Variants in SGCZ observed in about 807,000 individuals in gnomAD.
SGCZ encodes sarcoglycan zeta.
In SGCZ, 40 loss-of-function variants were observed where a neutral mutation model predicts 41.3. The ratio of observed to expected loss-of-function variants is 0.97; its 90% CI spans 0.75 to 1.26. SGCZ has a LOEUF of 1.26. SGCZ is among the 50% of genes most tolerant of loss of function. The pLI, the probability that SGCZ is intolerant of heterozygous loss-of-function variation, is 0.00. For synonymous variants in SGCZ, 206 were observed against 137.5 expected (o/e 1.50, Z -3.49); for missense variants, 552 against 369.8 (o/e 1.49, Z -4.04).
At chr8:14,129,542 C>T (rs1802971137) in intron 5 of SGCZ, among the ~76,000 whole-genome samples, 1 of 151,238 alleles carries the variant, frequency 6.6e-6, no homozygotes, top group Admixed American at 6.6e-5. Flanking sequence ...ACAACCTACC[C>T]AAAATTTTGC....
At chr8:14,794,364 TGCA>T (rs1464720033) in intron 1 of SGCZ, among the ~76,000 whole-genome samples, 1 of 152,058 alleles carries the variant, frequency 6.6e-6, no homozygotes, top group Non-Finnish European at 1.5e-5. Context: ...GAAAATATAC[TGCA>T]GGATTATATA....
chr8:14,224,564 G>C (rs1417397878), intron 4 of SGCZ, among the ~76,000 whole-genome samples: 1 of 152,026 alleles, frequency 6.6e-6, no homozygotes. Flanking sequence ...CTATGTGAAA[G>C]CTCAATTATG....
chr8:14,864,180 C>T (rs933937228), intron 1 of SGCZ, among the ~76,000 whole-genome samples: 12 of 152,146 alleles, frequency 7.9e-5, no homozygotes, highest in Non-Finnish European at 1.8e-4. Flanking sequence ...ATGTATTCTA[C>T]GTATTCTACT....
intron 4 of SGCZ, among the ~76,000 whole-genome samples, chr8:14,232,315 G>C (rs1008814646): frequency 6.6e-6 from 1 of 151,930 alleles, no homozygotes; most frequent in Admixed American, 6.6e-5. Context: ...TCAGATCTCT[G>C]AAGAAACCAG....
intron 2 of SGCZ, among the ~76,000 whole-genome samples, chr8:14,386,112 A>C (rs894115676): frequency 2.0e-5 from 3 of 152,130 alleles, no homozygotes; most frequent in Admixed American, 2.0e-4. Flanking sequence ...GGTTGAATAT[A>C]TAAATGCAGA....
In SGCZ at chr8:14,090,397, G is replaced by T. The variant is rs201217147; in HGVS notation, c.*46C>A. On this transcript the variant is annotated 3_prime_UTR_variant, in exon 8 of 8. Coordinates refer to ENST00000382080, the MANE Select transcript of SGCZ (RefSeq NM_139167.4). ...AACCGAGCAGAACTGTGAAGCAGACGGACAGGAACAAAAGGCTATTCTGGT... is the reference window on the plus strand; with the variant it reads ...AACCGAGCAGAACTGTGAAGCAGACTGACAGGAACAAAAGGCTATTCTGGT... 6 of 1,575,660 alleles carry T rather than the reference G, an allele frequency of 3.8e-6. No individual in the cohort carries two copies. Among genetic ancestry groups the T allele is most frequent in the Non-Finnish European group, 5.2e-6 (6 of 1,158,972 alleles).
intron 2 of SGCZ, among the ~76,000 whole-genome samples, chr8:14,346,192 G>C (rs1802886687): frequency 6.6e-6 from 1 of 151,956 alleles, no homozygotes; most frequent in African/African-American, 2.4e-5. Context: ...GAGAAACTGG[G>C]GTTGTGGAGT....
chr8:14,131,061 C>A (rs1233213551), intron 5 of SGCZ, among the ~76,000 whole-genome samples: 3 of 152,146 alleles, frequency 2.0e-5, no homozygotes, highest in Non-Finnish European at 2.9e-5. Context: ...CTGTTTGGAA[C>A]GCTGTCCCTC....
At chr8:14,895,932 G>GA (rs1805180047) in intron 1 of SGCZ, among the ~76,000 whole-genome samples, 1 of 152,194 alleles carries the variant, frequency 6.6e-6, no homozygotes, top group Admixed American at 6.5e-5. Context: ...ATAGGGTTGA[G>GA]ACTCACTTTA....
chr8:14,353,056 G>C (rs17119153), intron 2 of SGCZ, among the ~76,000 whole-genome samples: 4,145 of 151,992 alleles, frequency 0.027, 158 homozygotes, highest in African/African-American at 0.093. Flanking sequence ...AATTAGAAGA[G>C]AATTATGTTG....
intron 1 of SGCZ, among the ~76,000 whole-genome samples, chr8:14,814,926 T>C (rs1801855975): frequency 2.0e-5 from 3 of 152,194 alleles, no homozygotes; most frequent in African/African-American, 4.8e-5. Context: ...TAATTAATGT[T>C]TGCTGTTTCT....
At chr8:14,735,048 A>G (rs1798984851) in intron 1 of SGCZ, among the ~76,000 whole-genome samples, 1 of 152,192 alleles carries the variant, frequency 6.6e-6, no homozygotes, top group African/African-American at 2.4e-5. Flanking sequence ...TATGAAGCAT[A>G]GAATACACAA....
Position 14,618,195 on chromosome 8 carries a change from A to G in SGCZ, c.40-63269T>C, listed in dbSNP as rs551080960. On this transcript the variant is annotated intron_variant, in intron 1 of 7. Coordinates refer to ENST00000382080, the MANE Select transcript of SGCZ (RefSeq NM_139167.4). The stretch of plus-strand genomic sequence containing the variant: ...TCTACTTTGGTGAAGCTTATATTTT[A>G]TAACGAAAGACATAACAACCATAAT... 7.7e-4 allele frequency among the ~76,000 whole-genome samples: 117 copies of G among 152,292 alleles called. 1 individual carries two copies. The Middle Eastern group carries it at 0.014, about 18-fold the overall frequency.
At chr8:15,103,666 T>C (rs952760782) in intron 1 of SGCZ, among the ~76,000 whole-genome samples, 2 of 151,838 alleles carry the variant, frequency 1.3e-5, no homozygotes, top group Non-Finnish European at 2.9e-5. Context: ...CTCAACAGAG[T>C]TGAAATTAAG....
At position 15,195,124 on chromosome 8, in the gene SGCZ, T is replaced by C. The variant is rs148762987; in HGVS notation, c.39+42461A>G. Among the ~76,000 whole-genome samples the C allele has an allele frequency of 9.4e-4, 143 of 152,274 alleles. 1 individual carries two copies. The highest frequency in any genetic ancestry group is 3.4e-3 in the African/African-American group (140 of 41,552). ...TTTTCTGATGAACCAATAAGAACAT[T>C]TACATTCTGAAAACTGTAATACAGT... On this transcript the variant is annotated intron_variant, in intron 1 of 7. Coordinates refer to ENST00000382080, the MANE Select transcript of SGCZ (RefSeq NM_139167.4).
intron 2 of SGCZ, among the ~76,000 whole-genome samples, chr8:14,337,300 G>A (rs1490552273): frequency 6.6e-6 from 1 of 152,136 alleles, no homozygotes; most frequent in Non-Finnish European, 1.5e-5. Flanking sequence ...AGCTGTGTAT[G>A]AGTTGGCCCT....
At chr8:14,190,614 T>C (rs1805069149) in intron 4 of SGCZ, among the ~76,000 whole-genome samples, 1 of 151,874 alleles carries the variant, frequency 6.6e-6, no homozygotes, top group Non-Finnish European at 1.5e-5. Context: ...TCTTTTTTTG[T>C]TTTTTTGAGA....
intron 4 of SGCZ, among the ~76,000 whole-genome samples, chr8:14,190,094 G>C (rs1319655934): frequency 7.4e-6 from 1 of 136,050 alleles, no homozygotes; most frequent in Non-Finnish European, 1.5e-5. Flanking sequence ...CTCGCTGCAA[G>C]CTCCGCCTCT....
intron 4 of SGCZ, among the ~76,000 whole-genome samples, chr8:14,172,948 G>T (rs946918030): frequency 2.0e-5 from 3 of 152,114 alleles, no homozygotes; most frequent in Non-Finnish European, 2.9e-5. Context: ...ATGAACAAAG[G>T]TTATCAATGC....
Sources: gnomAD v4.1 joint callset for allele counts (sites outside exome capture counted in the v4.1 genomes callset) on GRCh38, gnomAD v4.1.1 for gene constraint, MANE v1.5 for transcripts, NCBI Gene and HGNC (gene_info 2026-07-23, HGNC 2026-07-21) for gene names.